MME: variants seen among roughly 807,000 people sequenced by gnomAD.
The protein encoded by MME is neprilysin.
A neutral mutation model predicts 113.2 loss-of-function variants in MME; 98 were observed. The ratio of observed to expected loss-of-function variants is 0.87; its 90% CI spans 0.74 to 1.02. MME has a LOEUF of 1.02. Among genes scored for constraint, MME ranks in the 50% least tolerant of loss-of-function variants. MME has a pLI of 0.00. For synonymous variants in MME, 292 were observed against 300.6 expected, an observed-to-expected ratio of 0.97 and a Z score of 0.30; for missense variants, 836 against 896.0, an observed-to-expected ratio of 0.93 and a Z score of 0.86.
At chr3:155,084,854 A>T (rs1559906968) in intron 2 of MME, among the ~76,000 whole-genome samples, 2 of 152,204 alleles carry the variant, frequency 1.3e-5, no homozygotes, top group Admixed American at 1.3e-4. Context: ...ATTTTTCTTC[A>T]TAATCAAAAT....
Position 155,105,695 on chromosome 3 carries a change from G to A in MME, c.197-9299G>A, listed in dbSNP as rs527376032. Among the ~76,000 whole-genome samples, 143 of 152,214 alleles carry A rather than the reference G, an allele frequency of 9.4e-4. 1 individual carries two copies. The South Asian group carries it at 0.026, about 28-fold the overall frequency. On this transcript the variant is annotated intron_variant, in intron 3 of 22. Transcript: ENST00000360490. Reference sequence around the variant, plus strand: ...TGAACTTGGGCACAAATCACTTACCGTCAATTTCTATATTTGGAAAATGGG... The same window carrying A: ...TGAACTTGGGCACAAATCACTTACCATCAATTTCTATATTTGGAAAATGGG...
At chr3:155,142,451 T>C (rs1175735524) in intron 12 of MME, 121 bp downstream of exon 12, 26 of 766,038 alleles carry the variant, frequency 3.4e-5, no homozygotes, top group Non-Finnish European at 5.3e-5. Flanking sequence ...ATGCCAAAGT[T>C]CGTTATCTTG....
chr3:155,168,880 A>T (rs1343866107), intron 20 of MME, 83 bp downstream of exon 20: 1 of 1,213,476 alleles, frequency 8.2e-7, no homozygotes, highest in East Asian at 2.4e-5. Flanking sequence ...CTTTTGCAAA[A>T]AAAGAAACTC....
In MME at chr3:155,182,636, T is replaced by A. The variant is rs1048937819; in HGVS notation, c.*2177T>A. The A allele has an allele frequency of 6.6e-6, 1 of 152,212 alleles. No homozygotes were observed. Among genetic ancestry groups the A allele is most frequent in the Admixed American group, 6.5e-5 (1 of 15,280 alleles). 9.4% of individuals were successfully genotyped at this position (152,212 alleles called of 1,614,324 possible). On this transcript the variant is annotated 3_prime_UTR_variant, in exon 23 of 23. Transcript: ENST00000360490. ...CTGTCTCTAACTTATTTTATTTCCA[T>A]CATGTCAGAGCAGGTGAAGAGCCAG...
intron 8 of MME, among the ~76,000 whole-genome samples, chr3:155,132,188 T>C (rs1720196996): frequency 1.3e-5 from 2 of 152,242 alleles, no homozygotes; most frequent in African/African-American, 4.8e-5. Context: ...CCCTGGGTCT[T>C]GATTGTCATT....
intron 3 of MME, among the ~76,000 whole-genome samples, chr3:155,094,958 C>T (rs1716612240): frequency 6.6e-6 from 1 of 152,232 alleles, no homozygotes; most frequent in Non-Finnish European, 1.5e-5. Flanking sequence ...TGCAAAAATG[C>T]AGTCTCGGGC....
chr3:155,109,086 A>G (rs1717946460), intron 3 of MME, among the ~76,000 whole-genome samples: 1 of 152,190 alleles, frequency 6.6e-6, no homozygotes, highest in African/African-American at 2.4e-5. Context: ...CTCATGAGAT[A>G]TCAACAAAAA....
At chr3:155,058,201 C>T (rs185987850) in intron 1 of MME, among the ~76,000 whole-genome samples, 192 of 152,214 alleles carry the variant, frequency 1.3e-3, no homozygotes, top group Non-Finnish European at 2.2e-3. Context: ...TGAAGACTCA[C>T]GCAATATTTG....
chr3:155,025,848 C>A (rs1348492870), intron 1 of MME, among the ~76,000 whole-genome samples: 1 of 151,074 alleles, frequency 6.6e-6, no homozygotes, highest in Non-Finnish European at 1.5e-5. Context: ...GTGCCCGCCA[C>A]CATACCCAGC....
chr3:155,144,380 A>G lies in MME; in HGVS notation c.1339A>G (p.Ile447Val), dbSNP rs200680380. ...TGAGGTCGAGGATTTGATTGCACAG[A>G]TCCGAGAAGTTTTTATTCAGACTTT... ...KHVVEDLIAQ[I>V]REVFIQTLDD... The change falls in exon 14 of 23, where the codon ATC becomes GTC. Residue 447 changes from isoleucine (I) to valine (V), a missense_variant. By Grantham distance (29) the Ile-to-Val change is conservative. Transcript: ENST00000360490. The G allele has an allele frequency of 3.7e-6, 6 of 1,612,752 alleles. 1 individual carries two copies. The South Asian group carries it at 5.5e-5, about 15-fold the overall frequency.
chr3:155,136,535 C>T (rs1720648310), intron 8 of MME, among the ~76,000 whole-genome samples: 1 of 152,140 alleles, frequency 6.6e-6, no homozygotes. Context: ...CACAGCATTA[C>T]AGAGTATCCA....
chr3:155,053,069 A>AT (rs1160683137), intron 1 of MME, among the ~76,000 whole-genome samples: 1 of 152,032 alleles, frequency 6.6e-6, no homozygotes, highest in Non-Finnish European at 1.5e-5. Context: ...CTTGGCCTAG[A>AT]TTTTGCTGTT....
chr3:155,168,185 A>G (rs1711531685), intron 18 of MME, among the ~76,000 whole-genome samples: 1 of 152,240 alleles, frequency 6.6e-6, no homozygotes. Context: ...GACTTGGGTC[A>G]GGTAAAAACC....
Position 155,116,646 on chromosome 3 carries a change from G to A in MME, c.440-18G>A, listed in dbSNP as rs779609159. Reference sequence around the variant, plus strand: ...TGCCTAGATTTCTAATTGAATTTATGTTTGTTGTTTCCAAAAGCTGCTATT... The same window carrying A: ...TGCCTAGATTTCTAATTGAATTTATATTTGTTGTTTCCAAAAGCTGCTATT... On this transcript the variant is annotated intron_variant, in intron 5 of 22. Transcript: ENST00000360490. The A allele has an allele frequency of 1.2e-6, 2 of 1,600,298 alleles. No homozygotes were observed. The highest frequency in any genetic ancestry group is 1.7e-6 in the Non-Finnish European group (2 of 1,169,964).
chr3:155,153,531 A>G (rs1722103554), intron 16 of MME, among the ~76,000 whole-genome samples: 1 of 152,234 alleles, frequency 6.6e-6, no homozygotes, highest in Non-Finnish European at 1.5e-5. Context: ...TTCATAGAGC[A>G]AACATGAATC....
At chr3:155,168,460 G>A in intron 18 of MME, 32 bp from the exon 19 acceptor site, 2 of 1,576,638 alleles carry the variant, frequency 1.3e-6, no homozygotes, top group Non-Finnish European at 1.7e-6. Flanking sequence ...GTTGCAATGA[G>A]TTCCCATTTT....
chr3:155,169,812 G>A (rs1711711240), intron 20 of MME, among the ~76,000 whole-genome samples: 1 of 152,102 alleles, frequency 6.6e-6, no homozygotes, highest in Admixed American at 6.6e-5. Flanking sequence ...GAGTGGAGGA[G>A]GTGAACATCA....
chr3:155,140,160 C>A (rs1382818069), intron 9 of MME, 31 bp from the exon 10 acceptor site: 1 of 1,485,160 alleles, frequency 6.7e-7, no homozygotes, highest in Non-Finnish European at 9.3e-7. Context: ...ATTCTTAATT[C>A]TAAAATAATG....
chr3:155,136,978 G>T lies in MME; in HGVS notation c.721-1124G>T, dbSNP rs193133538. ...TTTTAATTGCTAATAGGTAATAATG[G>T]CTAATAAATAGCAATTGGTTCAAAC... On this transcript the variant is annotated intron_variant, in intron 8 of 22. Coordinates refer to ENST00000360490, the MANE Select transcript of MME (RefSeq NM_007289.4). Among the ~76,000 whole-genome samples the T allele has an allele frequency of 2.0e-5, 3 of 152,180 alleles. No homozygotes were observed. The East Asian group carries it at 5.8e-4, about 29-fold the overall frequency.
Sources: allele counts gnomAD v4.1 joint callset (sites outside exome capture counted in the v4.1 genomes callset), GRCh38; gene constraint gnomAD v4.1.1; transcripts MANE v1.5; gene names NCBI Gene and HGNC (gene_info 2026-07-23, HGNC 2026-07-21).